The following TEAD4 variants were observed in gnomAD, a reference collection of about 807,000 sequenced individuals.
The protein encoded by TEAD4 is transcriptional enhancer factor TEF-3.
In TEAD4, 36 loss-of-function variants were observed where a neutral mutation model predicts 52.4. That is an observed-to-expected ratio of 0.69 (90% CI 0.53 to 0.91). The LOEUF (loss-of-function observed/expected upper bound fraction) is 0.91. Among genes scored for constraint, TEAD4 ranks in the 40% least tolerant of loss-of-function variants. The pLI is 0.00. For synonymous variants in TEAD4, 220 were observed against 231.0 expected, an observed-to-expected ratio of 0.95 and a Z score of 0.43; for missense variants, 508 against 583.9, an observed-to-expected ratio of 0.87 and a Z score of 1.34.
At position 2,988,592 on chromosome 12, in the gene TEAD4, G is replaced by T. The variant is rs950310054; in HGVS notation, c.-29-6146G>T. On this transcript the variant is annotated intron_variant, in intron 2 of 12. Coordinates refer to ENST00000359864, the MANE Select transcript of TEAD4 (RefSeq NM_003213.4). ...CTAAAATCCTTGCAATCTTCAAAAC[G>T]ATGTGTCTTTTTGTATGCTAATGAG... Among the ~76,000 whole-genome samples the T allele has an allele frequency of 2.6e-5, 4 of 151,714 alleles. No individual in the cohort carries two copies. The East Asian group carries it at 5.8e-4, about 22-fold the overall frequency.
intron 2 of TEAD4, among the ~76,000 whole-genome samples, chr12:2,963,426 C>T (rs2098217508): frequency 6.6e-6 from 1 of 152,194 alleles, no homozygotes; most frequent in African/African-American, 2.4e-5. Context: ...CTTCCTTTGC[C>T]CCCATGACCC....
chr12:2,964,092 G>A (rs890870034), intron 2 of TEAD4, among the ~76,000 whole-genome samples: 18 of 151,910 alleles, frequency 1.2e-4, no homozygotes, highest in Admixed American at 6.6e-5. Context: ...CATAGGGTGG[G>A]CCTCTGGGGT....
intron 10 of TEAD4, among the ~76,000 whole-genome samples, chr12:3,031,820 C>G (rs573189781): frequency 6.6e-6 from 1 of 152,350 alleles, no homozygotes; most frequent in South Asian, 2.1e-4. Flanking sequence ...TACCAGACCA[C>G]GGGTCCATAC....
At chr12:3,020,900 C>G (rs1591592218) in intron 9 of TEAD4, 127 bp downstream of exon 9, 2 of 1,040,170 alleles carry the variant, frequency 1.9e-6, no homozygotes, top group East Asian at 3.1e-5. Flanking sequence ...CCGATCTTCC[C>G]TTCTGCCCTT....
chr12:3,000,639 A>C (rs1375039923), intron 3 of TEAD4, among the ~76,000 whole-genome samples: 1 of 152,070 alleles, frequency 6.6e-6, no homozygotes, highest in Non-Finnish European at 1.5e-5. Flanking sequence ...TTTGGAGGGG[A>C]CTAATATTCA....
chr12:2,971,418 G>T (rs113221063), intron 2 of TEAD4, among the ~76,000 whole-genome samples: 2,417 of 152,084 alleles, frequency 0.016, 33 homozygotes, highest in Admixed American at 0.022. Context: ...ATGAGAGGAG[G>T]GGAGGTAAGT....
intron 4 of TEAD4, 46 bp downstream of exon 4, chr12:3,011,114 C>A: frequency 1.2e-6 from 2 of 1,606,722 alleles, no homozygotes; most frequent in African/African-American, 1.3e-5. Flanking sequence ...GGTACCCCAG[C>A]ACCAGTCTGC....
intron 8 of TEAD4, 151 bp from the exon 9 acceptor site, chr12:3,020,483 C>G (rs1047878217): frequency 2.6e-5 from 26 of 1,018,078 alleles, no homozygotes; most frequent in Non-Finnish European, 3.5e-5. Flanking sequence ...GGCACTCCCT[C>G]CACCACCTCT....
intron 3 of TEAD4, among the ~76,000 whole-genome samples, chr12:3,001,397 C>A (rs1321994824): frequency 6.6e-6 from 1 of 152,194 alleles, no homozygotes; most frequent in African/African-American, 2.4e-5. Context: ...CAATAATTCC[C>A]CATTCCCCTC....
At chr12:2,986,525 AGCTACTCGGGAGGCTGAGTCACGAGAATC>A (rs1267684872) in intron 2 of TEAD4, among the ~76,000 whole-genome samples, 1 of 152,020 alleles carries the variant, frequency 6.6e-6, no homozygotes, top group Non-Finnish European at 1.5e-5. Flanking sequence ...CTGTAATCCC[AGCTACTCGGGAGGCTGAGTCACGAGAATC>A]GCTTGACCTC....
Position 3,040,577 on chromosome 12 carries a change from G to C in TEAD4, c.*99G>C. On this transcript the variant is annotated 3_prime_UTR_variant, in exon 13 of 13. Transcript: ENST00000359864. ...GGCAGCCCCCTGAAGTGCCAAGAGA[G>C]CTGAGAGGAGCAGTTGTGACTCTAC... 5.7e-6 allele frequency: 6 copies of C among 1,050,220 alleles called. No homozygotes were observed. Among genetic ancestry groups the C allele is most frequent in the Non-Finnish European group, 8.6e-6 (6 of 698,850 alleles). The allele number at this position is 1,050,220 out of a possible 1,614,324, so 65.1% of individuals were successfully genotyped here.
At chr12:3,014,326 A>G (rs944274398) in intron 5 of TEAD4, among the ~76,000 whole-genome samples, 1 of 152,194 alleles carries the variant, frequency 6.6e-6, no homozygotes, top group Non-Finnish European at 1.5e-5. Flanking sequence ...CATTTGCTTC[A>G]GGGAATTGTA....
rs148965461 is a variant in TEAD4, at chr12:2,994,976, C to G, written c.210C>G (p.Asp70Glu). 8.7e-4 allele frequency: 1,410 copies of G among 1,613,932 alleles called. 3 individuals carry two copies. Among genetic ancestry groups the G allele is most frequent in the Middle Eastern group, 3.3e-3 (20 of 6,062 alleles). ...GCAGGCGCAAAATCATCCTGTCGGA[C>G]GAGGGCAAGATGTATGGTAAGGAGC... is the stretch of plus-strand genomic sequence containing the variant. Residue 70 changes from aspartate (D) to glutamate (E), a missense_variant, in exon 3 of 13, where the codon GAC becomes GAG. Coordinates refer to ENST00000359864, the MANE Select transcript of TEAD4 (RefSeq NM_003213.4). The surrounding 1 kb of genome is among the most constrained non-coding windows in gnomAD (Gnocchi z 4.7).
intron 2 of TEAD4, among the ~76,000 whole-genome samples, chr12:2,960,625 T>G (rs1489992990): frequency 6.6e-6 from 1 of 152,152 alleles, no homozygotes; most frequent in African/African-American, 2.4e-5. Context: ...GTGGGTGATG[T>G]CTGTTCACGT....
At chr12:2,965,357 G>T (rs1438625960) in intron 2 of TEAD4, among the ~76,000 whole-genome samples, 1 of 151,580 alleles carries the variant, frequency 6.6e-6, no homozygotes, top group Non-Finnish European at 1.5e-5. Flanking sequence ...GTAGGGTCTC[G>T]CTTTGTTGTC....
intron 4 of TEAD4, 80 bp from the exon 5 acceptor site, chr12:3,012,090 G>A (rs2098260759): frequency 1.4e-6 from 2 of 1,449,218 alleles, no homozygotes; most frequent in South Asian, 1.2e-5. Context: ...GAGGGCTGTG[G>A]AGGGCGAGAG....
intron 10 of TEAD4, among the ~76,000 whole-genome samples, chr12:3,023,177 T>G (rs541344042): frequency 6.6e-6 from 1 of 152,194 alleles, no homozygotes; most frequent in African/African-American, 2.4e-5. Context: ...GGAATGGAAG[T>G]TGGACCCTGG....
intron 8 of TEAD4, among the ~76,000 whole-genome samples, chr12:3,019,663 C>A (rs2098267259): frequency 1.3e-5 from 2 of 152,156 alleles, no homozygotes; most frequent in African/African-American, 2.4e-5. Context: ...TCTGCTCTGT[C>A]CTCGTCTCTT....
At chr12:2,986,208 C>T (rs985126639) in intron 2 of TEAD4, among the ~76,000 whole-genome samples, 9 of 152,196 alleles carry the variant, frequency 5.9e-5, no homozygotes, top group East Asian at 5.8e-4. Context: ...CACTGGAAAG[C>T]GTTTGGGGCA....
Sources: gnomAD v4.1 joint callset for allele counts (sites outside exome capture counted in the v4.1 genomes callset) on GRCh38, gnomAD v4.1.1 for gene constraint, Gnocchi (gnomAD v3.1) non-coding constraint, MANE v1.5 for transcripts, NCBI Gene and HGNC (gene_info 2026-07-23, HGNC 2026-07-21) for gene names.